The following MTCL2 variants were observed in gnomAD, a reference collection of about 807,000 sequenced individuals.
MTCL2 encodes microtubule crosslinking factor 2.
the MTCL2 span, chr20:36,859,908 A>G: frequency 8.1e-7 from 1 of 1,231,112 alleles, no homozygotes; most frequent in East Asian, 3.2e-5. Flanking sequence ...AAGCCCTGGC[A>G]GCCTAGCGAC....
At chr20:36,822,194 G>A in the MTCL2 span, among the ~76,000 whole-genome samples, 1 of 152,376 alleles carries the variant, frequency 6.6e-6, no homozygotes, top group South Asian at 2.1e-4. Context: ...GTGGCTGGGG[G>A]GCTGCACCCC....
the MTCL2 span, chr20:36,781,543 A>G: frequency 6.6e-6 from 1 of 151,554 alleles, no homozygotes; most frequent in Non-Finnish European, 1.5e-5. Context: ...CTCCAAAAAA[A>G]AAAGAAAAAG....
the MTCL2 span, chr20:36,812,556 G>A: frequency 2.0e-6 from 2 of 983,456 alleles, no homozygotes; most frequent in Non-Finnish European, 2.9e-6. Context: ...TTCCCTTCTG[G>A]CCTTGGCTGC....
At chr20:36,832,261 TG>T in the MTCL2 span, among the ~76,000 whole-genome samples, 1 of 152,168 alleles carries the variant, frequency 6.6e-6, no homozygotes, top group Admixed American at 6.5e-5. Context: ...CACCCCTGGC[TG>T]GGGTGAGGGC....
the MTCL2 span, chr20:36,863,009 C>CGGCGGT: frequency 7.1e-7 from 1 of 1,399,672 alleles, no homozygotes; most frequent in Non-Finnish European, 9.3e-7. This position sits in a 1 kb window ranked among gnomAD's most constrained non-coding sequence, Gnocchi z 6.2. Flanking sequence ...GGCTGGGGGG[C>CGGCGGT]GGCGGTGGCG....
chr20:36,800,847 CCTT>C, the MTCL2 span, among the ~76,000 whole-genome samples: 2 of 152,164 alleles, frequency 1.3e-5, no homozygotes, highest in Admixed American at 1.3e-4. Context: ...GCCTTCTTGT[CCTT>C]CTCACTGTGC....
At chr20:36,783,765 A>C in the MTCL2 span, 7 of 985,278 alleles carry the variant, frequency 7.1e-6, no homozygotes, top group Non-Finnish European at 8.4e-6. Flanking sequence ...GAAACCAACA[A>C]ACTTAGAAAT....
At chr20:36,813,729 G>C in the MTCL2 span, among the ~76,000 whole-genome samples, 1 of 136,480 alleles carries the variant, frequency 7.3e-6, no homozygotes, top group Non-Finnish European at 1.5e-5. Context: ...CTCCAGCCTG[G>C]GCGACAGAGT....
At chr20:36,830,094 G>A in the MTCL2 span, among the ~76,000 whole-genome samples, 4 of 152,182 alleles carry the variant, frequency 2.6e-5, no homozygotes, top group East Asian at 1.9e-4. Context: ...TCAGCTTCCC[G>A]AGTAGCTGAG....
At chr20:36,785,496 T>A in the MTCL2 span, 1 of 985,442 alleles carries the variant, frequency 1.0e-6, no homozygotes, top group African/African-American at 1.7e-5. Flanking sequence ...CCTCTTGGTG[T>A]TCTCCTGGGC....
At chr20:36,849,060 C>CTTTTTTTTAT in the MTCL2 span, among the ~76,000 whole-genome samples, 1 of 62,240 alleles carries the variant, frequency 1.6e-5, no homozygotes, top group African/African-American at 6.7e-5. Context: ...AGTTGGTTTC[C>CTTTTTTTTAT]TTTTTTTTTT....
chr20:36,838,073 A>T, the MTCL2 span, among the ~76,000 whole-genome samples: 1 of 149,786 alleles, frequency 6.7e-6, no homozygotes, highest in Non-Finnish European at 1.5e-5. Context: ...TTTGAGACGG[A>T]GTCTCGCTCT....
the MTCL2 span, among the ~76,000 whole-genome samples, chr20:36,854,229 C>T: frequency 2.0e-5 from 3 of 152,200 alleles, no homozygotes; most frequent in South Asian, 2.1e-4. Flanking sequence ...GCCTTAGTTT[C>T]TCCCTTTGTA....
chr20:36,814,836 G>A, the MTCL2 span, among the ~76,000 whole-genome samples: 2 of 152,248 alleles, frequency 1.3e-5, no homozygotes, highest in African/African-American at 2.4e-5. Flanking sequence ...ACAGTGAGCC[G>A]AGATTGCGCC....
the MTCL2 span, chr20:36,794,557 G>A: frequency 0.051 from 82,489 of 1,614,000 alleles, 2,474 homozygotes; most frequent in Non-Finnish European, 0.062. This position sits in a 1 kb window ranked among gnomAD's most constrained non-coding sequence, Gnocchi z 5.4. Context: ...GGGAACAGTC[G>A]AGCAAACTTT....
the MTCL2 span, among the ~76,000 whole-genome samples, chr20:36,799,314 A>G: frequency 2.0e-5 from 3 of 152,184 alleles, no homozygotes; most frequent in South Asian, 6.2e-4. Flanking sequence ...AACATGGAGA[A>G]ACCCTGTCTC....
At chr20:36,847,703 A>G in the MTCL2 span, among the ~76,000 whole-genome samples, 6 of 152,096 alleles carry the variant, frequency 3.9e-5, no homozygotes, top group Admixed American at 3.9e-4. Flanking sequence ...AAAAATTAAA[A>G]ATTAGCCAGG....
chr20:36,802,607 A>C, the MTCL2 span, among the ~76,000 whole-genome samples: 1 of 152,160 alleles, frequency 6.6e-6, no homozygotes, highest in African/African-American at 2.4e-5. Context: ...ATATTTGGGA[A>C]TAGCTTGTTT....
chr20:36,793,971 G>C, the MTCL2 span: 2 of 1,551,536 alleles, frequency 1.3e-6, no homozygotes, highest in Non-Finnish European at 1.7e-6. The surrounding 1 kb of genome is among the most constrained non-coding windows in gnomAD (Gnocchi z 6.8). Flanking sequence ...CCCACCGTCT[G>C]GCTGGATGTG....
Sources: allele counts gnomAD v4.1 joint callset (sites outside exome capture counted in the v4.1 genomes callset), GRCh38; gene constraint gnomAD v4.1.1; non-coding constraint Gnocchi (gnomAD v3.1); transcripts MANE v1.5; gene names NCBI Gene and HGNC (gene_info 2026-07-23, HGNC 2026-07-21).